The following CACNA1C variants were observed in gnomAD, a reference collection of about 807,000 sequenced individuals.
CACNA1C encodes the protein voltage-dependent L-type calcium channel subunit alpha-1C.
In CACNA1C, 30 loss-of-function variants were observed where a neutral mutation model predicts 229.0. That is an observed-to-expected ratio of 0.13 (90% CI 0.10 to 0.18). The LOEUF is 0.18. CACNA1C is among the 10% of genes least tolerant of loss of function. The pLI is 1.00. For synonymous variants in CACNA1C, 1,114 were observed against 1,132.5 expected (o/e 0.98, Z 0.33); for missense variants, 1,658 against 2,845.0 (o/e 0.58, Z 9.49).
At chr12:2,428,351 C>T (rs2099052480) in intron 3 of CACNA1C, among the ~76,000 whole-genome samples, 2 of 152,222 alleles carry the variant, frequency 1.3e-5, no homozygotes, top group Non-Finnish European at 2.9e-5. Flanking sequence ...TCTGCCCTCT[C>T]TTTGGTGGGA....
At chr12:2,527,925 T>C (rs962066769) in intron 9 of CACNA1C, among the ~76,000 whole-genome samples, 32 of 152,242 alleles carry the variant, frequency 2.1e-4, no homozygotes, top group African/African-American at 7.7e-4. Flanking sequence ...GATCCCAAGC[T>C]TCAATAAAAA....
rs546585380 is a variant in CACNA1C, at chr12:2,125,992, C to T, written c.477+5562C>T. Reference sequence around the variant, plus strand: ...AAATTCACATCTGTGCTTGCTCCTGCTCTCAGATTCCCTCGCAAACGCATC... The same window carrying T: ...AAATTCACATCTGTGCTTGCTCCTGTTCTCAGATTCCCTCGCAAACGCATC... On this transcript the variant is annotated intron_variant, in intron 3 of 46. Coordinates refer to ENST00000399655, the MANE Select transcript of CACNA1C (RefSeq NM_000719.7). 7.2e-5 allele frequency among the ~76,000 whole-genome samples: 11 copies of T among 152,388 alleles called. No individual in the cohort carries two copies. In the South Asian group the frequency reaches 2.3e-3, roughly 32 times the overall value.
chr12:2,152,168 A>G lies in CACNA1C; in HGVS notation c.477+31738A>G, dbSNP rs2095313095. The stretch of plus-strand genomic sequence containing the variant: ...TTATGGCATGCACATTAATGTAGGG[A>G]TTGTTCATACAAAAGAGGGCAAAGA... On this transcript the variant is annotated intron_variant, in intron 3 of 46. Coordinates refer to ENST00000399655, the MANE Select transcript of CACNA1C (RefSeq NM_000719.7). This position sits in a 1 kb window ranked among gnomAD's most constrained non-coding sequence, Gnocchi z 4.2. 6.6e-6 allele frequency among the ~76,000 whole-genome samples: 1 copy of G among 152,222 alleles called. No individual in the cohort carries two copies. The highest frequency in any genetic ancestry group is 6.5e-5 in the Admixed American group (1 of 15,280).
Position 2,632,151 on chromosome 12 carries a change from T to C in CACNA1C, c.3829-2146T>C, listed in dbSNP as rs2090720711. Among the ~76,000 whole-genome samples the C allele has an allele frequency of 1.3e-5, 2 of 151,868 alleles. No homozygotes were observed. Among genetic ancestry groups the C allele is most frequent in the South Asian group, 2.1e-4 (1 of 4,802 alleles). On this transcript the variant is annotated intron_variant, in intron 29 of 46. Transcript: ENST00000399655. This position sits in a 1 kb window ranked among gnomAD's most constrained non-coding sequence, Gnocchi z 4.1. ...GCAAATACTGGTCCCACTGAAAAAATGTGGCCAGCCCTGTCTTGTCCCCTT... is the reference window on the plus strand; with the variant it reads ...GCAAATACTGGTCCCACTGAAAAAACGTGGCCAGCCCTGTCTTGTCCCCTT...
intron 3 of CACNA1C, among the ~76,000 whole-genome samples, chr12:2,188,502 G>T (rs1227732290): frequency 6.6e-6 from 1 of 151,566 alleles, no homozygotes; most frequent in African/African-American, 2.4e-5. Flanking sequence ...TTTTTTTTCA[G>T]GACAGTGAAA....
intron 5 of CACNA1C, among the ~76,000 whole-genome samples, chr12:2,483,017 G>C (rs1256651382): frequency 6.6e-6 from 1 of 152,202 alleles, no homozygotes; most frequent in African/African-American, 2.4e-5. Flanking sequence ...GTCTTCTGAA[G>C]GCACCCCGTG....
Position 2,694,421 on chromosome 12 carries a change from T to A in CACNA1C, c.*3222T>A, listed in dbSNP as rs1056768089. On this transcript the variant is annotated 3_prime_UTR_variant, in exon 47 of 47. Transcript: ENST00000399655. Reference sequence around the variant, plus strand: ...GACTTGAAGAAACAACAGTTTAAGGTCTGCAGTTTGGTCAACTTAATTCTT... The same window carrying A: ...GACTTGAAGAAACAACAGTTTAAGGACTGCAGTTTGGTCAACTTAATTCTT... The A allele has an allele frequency of 6.6e-6, 1 of 152,202 alleles. No individual in the cohort carries two copies. The highest frequency in any genetic ancestry group is 2.4e-5 in the African/African-American group (1 of 41,442). 9.4% of individuals were successfully genotyped at this position (152,202 alleles called of 1,614,324 possible). A position where few individuals can be genotyped will look rare whatever the true frequency, so the allele number is the denominator to read the frequency against.
intron 3 of CACNA1C, among the ~76,000 whole-genome samples, chr12:2,256,692 C>G (rs191460081): frequency 7.9e-5 from 12 of 152,134 alleles, no homozygotes; most frequent in Admixed American, 2.6e-4. Context: ...AGCATTGCAG[C>G]CACATCCTTT....
At chr12:2,636,596 A>C (rs1227580307) in intron 30 of CACNA1C, among the ~76,000 whole-genome samples, 1 of 152,160 alleles carries the variant, frequency 6.6e-6, no homozygotes, top group Non-Finnish European at 1.5e-5. Flanking sequence ...AAAGGTGATG[A>C]TGGAGAGATT....
At chr12:2,352,743 C>T (rs751031760) in intron 3 of CACNA1C, among the ~76,000 whole-genome samples, 11 of 152,014 alleles carry the variant, frequency 7.2e-5, no homozygotes, top group Non-Finnish European at 1.2e-4. Context: ...GGGAAATAGA[C>T]TCTGTGGACC....
At chr12:2,174,299 A>G (rs1488418343) in intron 3 of CACNA1C, among the ~76,000 whole-genome samples, 1 of 152,174 alleles carries the variant, frequency 6.6e-6, no homozygotes, top group Non-Finnish European at 1.5e-5. Flanking sequence ...TATAGTCATA[A>G]AATGAGCAGC....
At chr12:2,257,027 C>T (rs1015896665) in intron 3 of CACNA1C, among the ~76,000 whole-genome samples, 6 of 152,242 alleles carry the variant, frequency 3.9e-5, no homozygotes, top group South Asian at 4.1e-4. Flanking sequence ...CCAATCAGGA[C>T]GGGGGTGGCT....
At chr12:2,471,612 T>A (rs2154567869) in intron 5 of CACNA1C, among the ~76,000 whole-genome samples, 1 of 152,356 alleles carries the variant, frequency 6.6e-6, no homozygotes, top group Non-Finnish European at 1.5e-5. Context: ...TGACAGGTTT[T>A]TTTTTCTTTC....
rs569894745 is a variant in CACNA1C at position 2,542,194 on chromosome 12, C to A, written c.1391-7749C>A. ...TGACTCTCAATCCTTTGCCAAAACC[C>A]CTTCTGGAGTCATTTTTTATTCATG... On this transcript the variant is annotated intron_variant, in intron 9 of 46. Coordinates refer to ENST00000399655, the MANE Select transcript of CACNA1C (RefSeq NM_000719.7). 1.6e-4 allele frequency among the ~76,000 whole-genome samples: 24 copies of A among 152,280 alleles called. No homozygotes were observed. The South Asian group carries it at 3.9e-3, about 25-fold the overall frequency.
At chr12:2,199,592 G>A (rs1361441466) in intron 3 of CACNA1C, among the ~76,000 whole-genome samples, 1 of 152,078 alleles carries the variant, frequency 6.6e-6, no homozygotes, top group Non-Finnish European at 1.5e-5. Context: ...AAGTCTCTGG[G>A]GAGTAAGAAG....
chr12:2,661,140 T>A (rs1327487093), intron 34 of CACNA1C, among the ~76,000 whole-genome samples: 2 of 152,020 alleles, frequency 1.3e-5, no homozygotes, highest in Non-Finnish European at 2.9e-5. Context: ...CATGTGCCTG[T>A]AGTCCCAGCT....
chr12:2,322,073 G>T (rs529083065), intron 3 of CACNA1C, among the ~76,000 whole-genome samples: 3 of 152,320 alleles, frequency 2.0e-5, no homozygotes, highest in South Asian at 2.1e-4. Flanking sequence ...GCATTATTAA[G>T]AAATCGATTT....
In CACNA1C at chr12:2,512,890, G is replaced by C; in HGVS notation, c.1296G>C (p.Glu432Asp). The change falls in exon 9 of 47, where the codon GAG becomes GAC. Residue 432 changes from glutamate to aspartate, a missense_variant. Physicochemically the swap from Glu to Asp is conservative, Grantham distance 45 (BLOSUM62 2). Coordinates refer to ENST00000399655, the MANE Select transcript of CACNA1C (RefSeq NM_000719.7). This position sits in a 1 kb window ranked among gnomAD's most constrained non-coding sequence, Gnocchi z 4.3. ...TGCGGGAGAAGCAGCAGCTAGAAGAGGATCTCAAAGGCTACCTGGATTGGA... is the reference window on the plus strand; with the variant it reads ...TGCGGGAGAAGCAGCAGCTAGAAGACGATCTCAAAGGCTACCTGGATTGGA... ...QKLREKQQLE[E>D]DLKGYLDWIT... is the part of the protein sequence containing the mutation. 1 of 1,613,222 alleles carries C rather than the reference G, an allele frequency of 6.2e-7. No homozygotes were observed. The highest frequency in any genetic ancestry group is 8.5e-7 in the Non-Finnish European group (1 of 1,179,612).
At chr12:2,038,915 CA>C (rs141801846) in intron 1 of CACNA1C, among the ~76,000 whole-genome samples, 47 of 141,408 alleles carry the variant, frequency 3.3e-4, no homozygotes, top group South Asian at 6.9e-4. Flanking sequence ...TAAATTTTGT[CA>C]AAAAAAAAAG....
Sources: allele counts gnomAD v4.1 joint callset (sites outside exome capture counted in the v4.1 genomes callset), GRCh38; gene constraint gnomAD v4.1.1; non-coding constraint Gnocchi (gnomAD v3.1); transcripts MANE v1.5; gene names NCBI Gene and HGNC (gene_info 2026-07-23, HGNC 2026-07-21).